The following WDR62 variants were observed in gnomAD, a reference collection of about 807,000 sequenced individuals.
The protein encoded by WDR62 is WD repeat-containing protein 62.
Under a neutral mutation model 160.6 loss-of-function variants are expected in WDR62, and 112 were observed. The observed-to-expected ratio is 0.70, with a 90% CI of 0.60 to 0.82. The LOEUF is 0.82. Among genes scored for constraint, WDR62 ranks in the 40% least tolerant of loss-of-function variants. WDR62 has a pLI of 0.00. For synonymous variants in WDR62, 792 were observed against 815.1 expected, an observed-to-expected ratio of 0.97 and a Z score of 0.48; for missense variants, 1,819 against 1,983.8, an observed-to-expected ratio of 0.92 and a Z score of 1.58.
Position 36,067,419 on chromosome 19 carries a change from C to T in WDR62, c.675C>T (p.Phe225=), listed in dbSNP as rs1196668631. 1 of 1,614,126 alleles carries T rather than the reference C, an allele frequency of 6.2e-7. No individual in the cohort carries two copies. Among genetic ancestry groups the T allele is most frequent in the Non-Finnish European group, 8.5e-7 (1 of 1,180,046 alleles). ...TVGNRHVRFW[F]LEVSTETKVT... ...GGAACCGCCATGTGAGGTTCTGGTT[C>T]TTGGAAGTCTCCACTGAGACAAAGG... Residue 225 remains phenylalanine, a synonymous_variant, in exon 6 of 32, where the codon TTC becomes TTT. Transcript: ENST00000401500.
At chr19:36,055,706 C>T (rs537882759) in intron 1 of WDR62, among the ~76,000 whole-genome samples, 4 of 152,160 alleles carry the variant, frequency 2.6e-5, no homozygotes, top group Non-Finnish European at 4.4e-5. Context: ...TGCAGTGCTG[C>T]CTGGGGAGGA....
At chr19:36,096,796 C>G (rs962501202) in intron 20 of WDR62, among the ~76,000 whole-genome samples, 3 of 152,138 alleles carry the variant, frequency 2.0e-5, no homozygotes, top group African/African-American at 7.2e-5. Flanking sequence ...CTCCATTGTC[C>G]CCACACTTTT....
chr19:36,101,580 A>G (rs1198663258), intron 24 of WDR62, 84 bp from the exon 25 acceptor site: 4 of 1,088,902 alleles, frequency 3.7e-6, no homozygotes, highest in Non-Finnish European at 5.5e-6. Context: ...AGATGGGGAA[A>G]CTGAGCCCAG....
Position 36,101,322 on chromosome 19 carries a change from G to A in WDR62, c.2971+5G>A. 1.2e-6 allele frequency: 2 copies of A among 1,606,966 alleles called. No individual in the cohort carries two copies. Among genetic ancestry groups the A allele is most frequent in the Non-Finnish European group, 1.7e-6 (2 of 1,176,964 alleles). On this transcript the variant is annotated splice_donor_5th_base_variant and intron_variant, in intron 24 of 31. Coordinates refer to ENST00000401500, the MANE Select transcript of WDR62 (RefSeq NM_001083961.2). ...AGGACCAGAGCCCGCCTGAGGGTGA[G>A]TGCAGGGCAGGCAGGGACCCTGTGA...
chr19:36,091,186 C>A lies in WDR62; in HGVS notation c.2035-14C>A. ...CAGGCAGCTGGAGTGACATGTGGGT[C>A]CCTTTCCTGGCAGGTCCATGTGGAC... On this transcript the variant is annotated splice_polypyrimidine_tract_variant and intron_variant, in intron 16 of 31. Coordinates refer to ENST00000401500, the MANE Select transcript of WDR62 (RefSeq NM_001083961.2). The A allele has an allele frequency of 6.2e-7, 1 of 1,609,752 alleles. No homozygotes were observed. The highest frequency in any genetic ancestry group is 1.1e-5 in the South Asian group (1 of 90,850).
In WDR62 at chr19:36,103,085, G is replaced by T; in HGVS notation, c.3462+11G>T. ...CCAGACAGGACCCACGTGAGTATTG[G>T]GCCCACCTCCGTCAGGGCACGGGGC... On this transcript the variant is annotated intron_variant, in intron 28 of 31. Transcript: ENST00000401500. 6.2e-7 allele frequency: 1 copy of T among 1,614,024 alleles called. No individual in the cohort carries two copies. The highest frequency in any genetic ancestry group is 2.2e-5 in the East Asian group (1 of 44,876).
intron 2 of WDR62, 114 bp downstream of exon 2, chr19:36,058,985 G>A: frequency 1.2e-6 from 1 of 860,676 alleles, no homozygotes. Context: ...AGAATGTGGA[G>A]AATGGGGCCT....
intron 2 of WDR62, 121 bp downstream of exon 2, chr19:36,058,992 G>A: frequency 1.2e-6 from 1 of 832,800 alleles, no homozygotes; most frequent in Admixed American, 2.0e-5. Context: ...GGAGAATGGG[G>A]CCTGCCTCTG....
rs753162871 is a variant in WDR62 at position 36,083,126 on chromosome 19, C to G, written c.1435C>G (p.Pro479Ala). 1 of 1,613,808 alleles carries G rather than the reference C, an allele frequency of 6.2e-7. No individual in the cohort carries two copies. Among genetic ancestry groups the G allele is most frequent in the Non-Finnish European group, 8.5e-7 (1 of 1,179,868 alleles). The change falls in exon 11 of 32, where the codon CCA (proline) becomes GCA (alanine). Residue 479 changes from proline (P) to alanine (A), a missense_variant. By Grantham distance (27) the Pro-to-Ala change is conservative. Around this residue, in one of 3 missense-constraint regions of WDR62, gnomAD observed 934 missense variants for 1,157.2 expected, o/e 0.81. Coordinates refer to ENST00000401500, the MANE Select transcript of WDR62 (RefSeq NM_001083961.2). Reference protein sequence around the residue: ...IQHLQDMSHFPDRGSENGTPM... With the variant: ...IQHLQDMSHFADRGSENGTPM... ...GCACCTGCAGGACATGTCACACTTC[C>G]CAGACCGGGGGAGCGAGAATGGGAC...
chr19:36,089,549 C>G (rs1039122851), intron 15 of WDR62, among the ~76,000 whole-genome samples: 1 of 152,204 alleles, frequency 6.6e-6, no homozygotes, highest in Non-Finnish European at 1.5e-5. Flanking sequence ...TCAAGTGATT[C>G]TCCTGCCTCA....
At chr19:36,082,188 G>A (rs1971939337) in intron 10 of WDR62, among the ~76,000 whole-genome samples, 3 of 152,208 alleles carry the variant, frequency 2.0e-5, no homozygotes. Context: ...ACAATCTAGT[G>A]AGGGCCGACA....
At position 36,094,161 on chromosome 19, in the gene WDR62, C is replaced by A; in HGVS notation, c.2464C>A (p.Pro822Thr). ...GACACCATCCAAAGATAGCTTGGATCCAGGTTGGAAAAGGGGCCCTATTTT... is the reference window on the plus strand; with the variant it reads ...GACACCATCCAAAGATAGCTTGGATACAGGTTGGAAAAGGGGCCCTATTTT... The part of the protein sequence containing the change: ...LKTPSKDSLD[P>T]DPRCLLTNGK... Residue 822 changes from proline to threonine, a missense_variant, in exon 20 of 32, where the codon CCA (proline) becomes ACA (threonine). Transcript: ENST00000401500. The A allele has an allele frequency of 6.2e-7, 1 of 1,614,066 alleles. No homozygotes were observed. Among genetic ancestry groups the A allele is most frequent in the East Asian group, 2.2e-5 (1 of 44,868 alleles).
chr19:36,063,925 A>C (rs1970797066), intron 3 of WDR62, among the ~76,000 whole-genome samples: 1 of 152,218 alleles, frequency 6.6e-6, no homozygotes, highest in Admixed American at 6.5e-5. Context: ...GGGAAATCTA[A>C]TGTACAGCCA....
At chr19:36,063,364 T>A (rs1970766510) in intron 3 of WDR62, among the ~76,000 whole-genome samples, 1 of 152,234 alleles carries the variant, frequency 6.6e-6, no homozygotes, top group Non-Finnish European at 1.5e-5. Flanking sequence ...ATTCTCTGCC[T>A]CAGCCTCCTG....
chr19:36,063,988 A>G (rs1568326748), intron 3 of WDR62, among the ~76,000 whole-genome samples: 1 of 152,192 alleles, frequency 6.6e-6, no homozygotes, highest in Non-Finnish European at 1.5e-5. Flanking sequence ...CTGGTTAGGT[A>G]ACTGCAGGCA....
Position 36,103,076 on chromosome 19 carries a change from T to TG in WDR62, c.3462+3dup, listed in dbSNP as rs1973480749. ...TACGCCTCCCCAGACAGGACCCACG[T>TG]GAGTATTGGGCCCACCTCCGTCAGG... On this transcript the variant is annotated splice_region_variant and intron_variant, in intron 28 of 31. Transcript: ENST00000401500. 1 of 1,613,986 alleles carries TG rather than the reference T, an allele frequency of 6.2e-7. No individual in the cohort carries two copies. The highest frequency in any genetic ancestry group is 2.2e-5 in the East Asian group (1 of 44,868).
At chr19:36,080,231 C>A (rs533577907) in intron 9 of WDR62, among the ~76,000 whole-genome samples, 9 of 151,616 alleles carry the variant, frequency 5.9e-5, no homozygotes, top group Non-Finnish European at 7.4e-5. Context: ...CCTCAGCCTC[C>A]TGAGTAGCTG....
chr19:36,096,926 T>G lies in WDR62; in HGVS notation c.2468-101T>G, dbSNP rs1973001816. On this transcript the variant is annotated intron_variant, in intron 20 of 31. Coordinates refer to ENST00000401500, the MANE Select transcript of WDR62 (RefSeq NM_001083961.2). Reference sequence around the variant, plus strand: ...CCCCGGTGCTGTTGAGCCTTCTGACTTCTGGGTTGTGGTGTTGCCTCTTTG... The same window carrying G: ...CCCCGGTGCTGTTGAGCCTTCTGACGTCTGGGTTGTGGTGTTGCCTCTTTG... 4 of 1,076,196 alleles carry G rather than the reference T, an allele frequency of 3.7e-6. No homozygotes were observed. The Admixed American group carries it at 7.9e-5, about 21-fold the overall frequency. 66.7% of individuals were successfully genotyped at this position (1,076,196 alleles called of 1,614,324 possible).
chr19:36,066,443 C>T lies in WDR62; in HGVS notation c.561+16C>T, dbSNP rs745767314. 5.7e-6 allele frequency: 9 copies of T among 1,580,274 alleles called. No individual in the cohort carries two copies. Among genetic ancestry groups the T allele is most frequent in the Non-Finnish European group, 6.9e-6 (8 of 1,163,818 alleles). On this transcript the variant is annotated intron_variant, in intron 5 of 31. Coordinates refer to ENST00000401500, the MANE Select transcript of WDR62 (RefSeq NM_001083961.2). ...GGACTGGAAGGTAAGAGCCGACCAG[C>T]AGGCCTGTGGCAGGCAGCCAGCTGC... is the stretch of plus-strand genomic sequence containing the variant.
Sources: gnomAD v4.1 joint callset for allele counts (sites outside exome capture counted in the v4.1 genomes callset) on GRCh38, gnomAD v4.1.1 for gene constraint, gnomAD v4.1.1 regional missense constraint, MANE v1.5 for transcripts, NCBI Gene and HGNC (gene_info 2026-07-23, HGNC 2026-07-21) for gene names.